WASF1: variants seen among roughly 807,000 people sequenced by gnomAD.
The protein encoded by WASF1 is actin-binding protein WASF1.
WASF1 carries 7 observed loss-of-function variants against 50.5 expected under a neutral mutation model. The observed-to-expected ratio is 0.14, with a 90% CI of 0.08 to 0.26. The LOEUF (loss-of-function observed/expected upper bound fraction) is 0.26. Among genes scored for constraint, WASF1 ranks in the 10% least tolerant of loss-of-function variants. WASF1 has a pLI of 1.00. For synonymous variants in WASF1, 205 were observed against 244.0 expected, an observed-to-expected ratio of 0.84 and a Z score of 1.49; for missense variants, 470 against 694.7, an observed-to-expected ratio of 0.68 and a Z score of 3.64.
chr6:110,113,885 T>A (rs972937870), intron 4 of WASF1, among the ~76,000 whole-genome samples: 1 of 152,092 alleles, frequency 6.6e-6, no homozygotes, highest in Non-Finnish European at 1.5e-5. Context: ...TTATAAAAAG[T>A]TAAAATTTAT....
intron 2 of WASF1, among the ~76,000 whole-genome samples, chr6:110,176,664 C>G (rs780441900): frequency 2.0e-5 from 3 of 152,030 alleles, no homozygotes; most frequent in Non-Finnish European, 4.4e-5. Flanking sequence ...TGAGCCCCTG[C>G]TATTTGTTAA....
chr6:110,120,734 T>C (rs1171514668), intron 4 of WASF1, among the ~76,000 whole-genome samples: 1 of 152,050 alleles, frequency 6.6e-6, no homozygotes, highest in Non-Finnish European at 1.5e-5. Flanking sequence ...GCCAAGACAA[T>C]CCTAAGCCAA....
chr6:110,177,788 G>A (rs185193168), intron 2 of WASF1, among the ~76,000 whole-genome samples: 17 of 152,046 alleles, frequency 1.1e-4, no homozygotes, highest in Admixed American at 3.3e-4. Context: ...TTTATCAAAA[G>A]GGTAAATGCA....
At chr6:110,132,185 AATTG>A (rs1174239679) in intron 3 of WASF1, among the ~76,000 whole-genome samples, 22 of 152,160 alleles carry the variant, frequency 1.4e-4, no homozygotes, top group Admixed American at 4.6e-4. Context: ...ATAGAAAATA[AATTG>A]ATTTTTTAAT....
rs577276033 is a variant in WASF1, at chr6:110,151,565, A to T, written c.-29+9070T>A. ...CTAAACAATAGGATCAACAAAATGCACACTTACATTCATTCATCTCTTGCA... is the reference window on the plus strand; with the variant it reads ...CTAAACAATAGGATCAACAAAATGCTCACTTACATTCATTCATCTCTTGCA... On this transcript the variant is annotated intron_variant, in intron 3 of 10. Coordinates refer to ENST00000392589, the MANE Select transcript of WASF1 (RefSeq NM_003931.3). 6.0e-4 allele frequency among the ~76,000 whole-genome samples: 91 copies of T among 152,342 alleles called. 1 individual carries two copies. Among genetic ancestry groups the T allele is most frequent in the African/African-American group, 2.1e-3 (86 of 41,578 alleles).
chr6:110,138,088 T>A (rs1775051231), intron 3 of WASF1, among the ~76,000 whole-genome samples: 1 of 151,936 alleles, frequency 6.6e-6, no homozygotes, highest in African/African-American at 2.4e-5. Flanking sequence ...AGGCACGGAG[T>A]GGCAAGGGGT....
intron 2 of WASF1, among the ~76,000 whole-genome samples, chr6:110,163,318 T>A (rs1338384007): frequency 6.6e-6 from 1 of 151,604 alleles, no homozygotes; most frequent in African/African-American, 2.4e-5. Context: ...ATCTTATAAA[T>A]GACAGAAATT....
chr6:110,122,533 C>T (rs1450521851), intron 4 of WASF1, among the ~76,000 whole-genome samples: 2 of 152,212 alleles, frequency 1.3e-5, no homozygotes, highest in Non-Finnish European at 2.9e-5. Flanking sequence ...TCTGCCTCTG[C>T]TACTCCTGAG....
chr6:110,126,263 T>G (rs1269995152), intron 4 of WASF1, among the ~76,000 whole-genome samples: 1 of 152,026 alleles, frequency 6.6e-6, no homozygotes, highest in Non-Finnish European at 1.5e-5. Context: ...CTCTAACACT[T>G]TTTTTATTAG....
chr6:110,135,876 CTT>C (rs778710982), intron 3 of WASF1, among the ~76,000 whole-genome samples: 3,548 of 67,610 alleles, frequency 0.052, 11 homozygotes, highest in African/African-American at 0.11. Flanking sequence ...AGTCCATTAT[CTT>C]TTTTTTTTTT....
Position 110,101,944 on chromosome 6 carries a change from A to G in WASF1, c.1166T>C (p.Ile389Thr). The G allele has an allele frequency of 6.2e-7, 1 of 1,605,780 alleles. No homozygotes were observed. Among genetic ancestry groups the G allele is most frequent in the Non-Finnish European group, 8.5e-7 (1 of 1,176,054 alleles). ...PGVLHPAPPP[I>T]APPLVQPSPP... ...AGAGGGCTGTACTAGAGGAGGTGCAATTGGAGGAGGAGCTGGGTGAAGAAC... is the reference window on the plus strand; with the variant it reads ...AGAGGGCTGTACTAGAGGAGGTGCAGTTGGAGGAGGAGCTGGGTGAAGAAC... Residue 389 changes from isoleucine to threonine, a missense_variant, in exon 10 of 11, where the codon ATT (isoleucine) becomes ACT (threonine). Transcript: ENST00000392589.
At chr6:110,117,120 A>T (rs1773850098) in intron 4 of WASF1, among the ~76,000 whole-genome samples, 1 of 152,218 alleles carries the variant, frequency 6.6e-6, no homozygotes, top group South Asian at 2.1e-4. Context: ...AAAGGATTGC[A>T]GCTCCTTGCC....
chr6:110,114,894 C>A (rs1258581341), intron 4 of WASF1, among the ~76,000 whole-genome samples: 7 of 151,198 alleles, frequency 4.6e-5, no homozygotes, highest in Non-Finnish European at 1.0e-4. Flanking sequence ...GAGTTTGAGA[C>A]CAGCCTGAAC....
chr6:110,170,336 C>T (rs892581095), intron 2 of WASF1, among the ~76,000 whole-genome samples: 1 of 152,070 alleles, frequency 6.6e-6, no homozygotes, highest in Non-Finnish European at 1.5e-5. Context: ...GATCCTACTA[C>T]CTCAGCCTCC....
chr6:110,162,051 T>G (rs1776279775), intron 2 of WASF1, among the ~76,000 whole-genome samples: 1 of 151,592 alleles, frequency 6.6e-6, no homozygotes, highest in African/African-American at 2.4e-5. Flanking sequence ...TCTGTATCAC[T>G]GATATATCTG....
intron 6 of WASF1, 75 bp downstream of exon 6, chr6:110,108,449 TAAAG>T (rs1379058381): frequency 7.0e-7 from 1 of 1,418,684 alleles, no homozygotes; most frequent in African/African-American, 1.4e-5. Flanking sequence ...CCCAATGAAA[TAAAG>T]AATGTTTGGG....
At chr6:110,176,094 T>C (rs922992587) in intron 2 of WASF1, among the ~76,000 whole-genome samples, 1 of 152,032 alleles carries the variant, frequency 6.6e-6, no homozygotes, top group African/African-American at 2.4e-5. Flanking sequence ...TAATCAATTG[T>C]GTAGTAAGTT....
At chr6:110,148,530 G>A (rs1775681751) in intron 3 of WASF1, among the ~76,000 whole-genome samples, 1 of 152,156 alleles carries the variant, frequency 6.6e-6, no homozygotes, top group Admixed American at 6.5e-5. Context: ...AGAATGAAAG[G>A]TGGACAGGGA....
chr6:110,111,483 A>G (rs748534748), intron 5 of WASF1, among the ~76,000 whole-genome samples: 2 of 152,206 alleles, frequency 1.3e-5, no homozygotes, highest in Non-Finnish European at 2.9e-5. Context: ...AAACACGAAT[A>G]ATACAAATTA....
Sources: allele counts gnomAD v4.1 joint callset (sites outside exome capture counted in the v4.1 genomes callset), GRCh38; gene constraint gnomAD v4.1.1; transcripts MANE v1.5; gene names NCBI Gene and HGNC (gene_info 2026-07-23, HGNC 2026-07-21).